C8orf34: variants seen among roughly 807,000 people sequenced by gnomAD.
C8orf34 encodes uncharacterized protein C8orf34.
A neutral mutation model predicts 68.3 loss-of-function variants in C8orf34; 65 were observed. The observed-to-expected ratio is 0.95, with a 90% confidence interval of 0.78 to 1.17. The LOEUF is 1.17. Ranked by LOEUF, C8orf34 falls within the 50% of genes most tolerant of loss-of-function variation. The pLI, the probability that C8orf34 is intolerant of heterozygous loss-of-function variation, is 0.00. For missense variants in C8orf34, 664 were observed against 655.4 expected (o/e 1.01, Z -0.14); for synonymous variants, 244 against 241.2 (o/e 1.01, Z -0.11).
chr8:68,428,453 T>C (rs1389014515), intron 1 of C8orf34, among the ~76,000 whole-genome samples: 4 of 152,058 alleles, frequency 2.6e-5, no homozygotes, highest in African/African-American at 9.7e-5. Flanking sequence ...AAAATCCTTA[T>C]AAAATCTGAG....
At chr8:68,577,735 A>C (rs1437714326) in intron 7 of C8orf34, among the ~76,000 whole-genome samples, 1 of 152,030 alleles carries the variant, frequency 6.6e-6, no homozygotes, top group African/African-American at 2.4e-5. Flanking sequence ...CAAGAAAAAA[A>C]TGATGTAGGC....
At chr8:68,405,001 G>T (rs552528823) in intron 1 of C8orf34, among the ~76,000 whole-genome samples, 1 of 152,068 alleles carries the variant, frequency 6.6e-6, no homozygotes. Context: ...ATCCATGAGC[G>T]TGTAATGTTT....
At chr8:68,521,418 C>T (rs984052830) in intron 5 of C8orf34, among the ~76,000 whole-genome samples, 7 of 152,182 alleles carry the variant, frequency 4.6e-5, no homozygotes, top group African/African-American at 1.7e-4. Context: ...CTGACCCCAA[C>T]CCAGTTTCTA....
At position 68,709,015 on chromosome 8, in the gene C8orf34, A is replaced by G. The variant is rs1445886366; in HGVS notation, c.1263A>G (p.Glu421=). 6.2e-7 allele frequency: 1 copy of G among 1,601,668 alleles called. No homozygotes were observed. Among genetic ancestry groups the G allele is most frequent in the South Asian group, 1.1e-5 (1 of 87,892 alleles). Residue 421 remains glutamate, a synonymous_variant, in exon 9 of 14, where the codon GAA becomes GAG. Coordinates refer to ENST00000518698, the MANE Select transcript of C8orf34 (RefSeq NM_052958.4). ...RCARLQGDNL[E]ERTEESLPIL... Reference sequence around the variant, plus strand: ...TTAGGCTTCAAGGAGACAACCTGGAAGAAAGGACAGAAGAGTCACTACCAA... The same window carrying G: ...TTAGGCTTCAAGGAGACAACCTGGAGGAAAGGACAGAAGAGTCACTACCAA...
chr8:68,496,890 G>A (rs1205810674), intron 5 of C8orf34, among the ~76,000 whole-genome samples: 2 of 152,122 alleles, frequency 1.3e-5, no homozygotes, highest in Non-Finnish European at 2.9e-5. Context: ...TGCATTATAT[G>A]ATATTTTGGG....
At chr8:68,650,520 C>T (rs1289119993) in intron 8 of C8orf34, among the ~76,000 whole-genome samples, 1 of 145,684 alleles carries the variant, frequency 6.9e-6, no homozygotes, top group Admixed American at 6.9e-5. Flanking sequence ...CGCTCTGTCG[C>T]CCAGGCTGGA....
At chr8:68,557,027 T>C (rs1816277588) in intron 7 of C8orf34, among the ~76,000 whole-genome samples, 1 of 152,220 alleles carries the variant, frequency 6.6e-6, no homozygotes. Context: ...CTACCATACA[T>C]ACAACCTGAG....
intron 7 of C8orf34, among the ~76,000 whole-genome samples, chr8:68,581,031 TA>T (rs1487913164): frequency 6.6e-5 from 10 of 152,042 alleles, no homozygotes; most frequent in Admixed American, 6.6e-4. Flanking sequence ...TCAAATCTCT[TA>T]GGGGTGTTGG....
At chr8:68,577,673 A>G (rs1816945676) in intron 7 of C8orf34, among the ~76,000 whole-genome samples, 1 of 152,000 alleles carries the variant, frequency 6.6e-6, no homozygotes. Context: ...TCTAGATACA[A>G]TTAAGTTTTT....
chr8:68,667,514 C>T (rs940677283), intron 8 of C8orf34, among the ~76,000 whole-genome samples: 1 of 152,090 alleles, frequency 6.6e-6, no homozygotes, highest in African/African-American at 2.4e-5. Flanking sequence ...GAAATTCAAT[C>T]AATATTTTTT....
chr8:68,801,142 T>G (rs1824316005), intron 12 of C8orf34, among the ~76,000 whole-genome samples: 1 of 152,216 alleles, frequency 6.6e-6, no homozygotes. Context: ...CAAAAGGCAC[T>G]AAGTGATTGT....
intron 8 of C8orf34, among the ~76,000 whole-genome samples, chr8:68,650,645 A>C (rs1018867553): frequency 2.0e-5 from 3 of 151,696 alleles, no homozygotes; most frequent in African/African-American, 7.3e-5. Context: ...ACGCCCGGCT[A>C]ATTTTTTGTA....
At chr8:68,416,583 G>A (rs971277699) in intron 1 of C8orf34, among the ~76,000 whole-genome samples, 1 of 151,696 alleles carries the variant, frequency 6.6e-6, no homozygotes, top group Admixed American at 6.6e-5. Context: ...CCAGGCTGGA[G>A]TGCAGTGGCA....
At chr8:68,516,159 T>C (rs1474645395) in intron 5 of C8orf34, among the ~76,000 whole-genome samples, 1 of 152,230 alleles carries the variant, frequency 6.6e-6, no homozygotes, top group Non-Finnish European at 1.5e-5. Flanking sequence ...ATTCTTCTTA[T>C]ATGGCTTAAA....
rs1226181252 is a variant in C8orf34 at position 68,585,024 on chromosome 8, A to T, written c.1105+51875A>T. ...GGCTGGTCACTGCGTGGGCTTGGGGAAATTGCTTGTTCTCTGTGAACCTCA... is the reference window on the plus strand; with the variant it reads ...GGCTGGTCACTGCGTGGGCTTGGGGTAATTGCTTGTTCTCTGTGAACCTCA... On this transcript the variant is annotated intron_variant, in intron 7 of 13. Transcript: ENST00000518698. 2.0e-5 allele frequency among the ~76,000 whole-genome samples: 3 copies of T among 152,136 alleles called. No homozygotes were observed. In the East Asian group the frequency reaches 5.8e-4, roughly 29 times the overall value.
At chr8:68,769,042 A>C (rs1476936194) in intron 10 of C8orf34, among the ~76,000 whole-genome samples, 1 of 152,130 alleles carries the variant, frequency 6.6e-6, no homozygotes, top group African/African-American at 2.4e-5. Context: ...TATTTAAAAA[A>C]TACAATCAAT....
intron 1 of C8orf34, among the ~76,000 whole-genome samples, chr8:68,377,265 A>G (rs914304809): frequency 1.3e-5 from 2 of 152,072 alleles, no homozygotes; most frequent in African/African-American, 2.4e-5. Context: ...ATGTGGTGGC[A>G]TGCACCTGTG....
chr8:68,713,838 CGAAAA>C (rs568280553), intron 9 of C8orf34, among the ~76,000 whole-genome samples: 1 of 152,018 alleles, frequency 6.6e-6, no homozygotes, highest in South Asian at 2.1e-4. Flanking sequence ...GGACATAACA[CGAAAA>C]GAAAACTACA....
intron 2 of C8orf34, 50 bp downstream of exon 2, chr8:68,439,696 A>G: frequency 6.4e-7 from 1 of 1,553,928 alleles, no homozygotes; most frequent in Non-Finnish European, 8.7e-7. Flanking sequence ...TTAATGTCAA[A>G]ATTTCAAAAC....
Sources: allele counts gnomAD v4.1 joint callset (sites outside exome capture counted in the v4.1 genomes callset), GRCh38; gene constraint gnomAD v4.1.1; transcripts MANE v1.5; gene names NCBI Gene and HGNC (gene_info 2026-07-23, HGNC 2026-07-21).